The following GAS7 variants were observed in gnomAD, a reference collection of about 807,000 sequenced individuals.
GAS7 encodes growth arrest specific 7.
GAS7 carries 28 observed loss-of-function variants against 71.1 expected under a neutral mutation model. That is an observed-to-expected ratio of 0.39 (90% confidence interval 0.29 to 0.54). The LOEUF is 0.54. GAS7 is among the 20% of genes least tolerant of loss of function. The pLI is 0.62. For synonymous variants in GAS7, 258 were observed against 245.8 expected, an observed-to-expected ratio of 1.05 and a Z score of -0.46; for missense variants, 436 against 627.8, an observed-to-expected ratio of 0.69 and a Z score of 3.27.
intron 1 of GAS7, among the ~76,000 whole-genome samples, chr17:10,175,097 C>T (rs940487505): frequency 1.3e-5 from 2 of 151,960 alleles, no homozygotes; most frequent in Non-Finnish European, 2.9e-5. Flanking sequence ...GCTCCTGCCT[C>T]GGCCTCCCAA....
intron 1 of GAS7, among the ~76,000 whole-genome samples, chr17:10,029,496 T>G (rs2072557380): frequency 6.6e-6 from 1 of 152,182 alleles, no homozygotes; most frequent in African/African-American, 2.4e-5. Flanking sequence ...CATGTATACA[T>G]GTTGCTATTC....
At chr17:10,141,364 T>C (rs997058805) in intron 1 of GAS7, among the ~76,000 whole-genome samples, 1 of 151,656 alleles carries the variant, frequency 6.6e-6, no homozygotes, top group African/African-American at 2.4e-5. Flanking sequence ...AGGAGAATGG[T>C]GTGAACCCGG....
At chr17:9,917,473 G>A in intron 13 of GAS7, 132 bp from the exon 14 acceptor site, 1 of 659,642 alleles carries the variant, frequency 1.5e-6, no homozygotes, top group Non-Finnish European at 2.7e-6. Flanking sequence ...GGCCCCAGGG[G>A]GAGGCCCATC....
chr17:10,077,203 A>G (rs903326691), intron 1 of GAS7, among the ~76,000 whole-genome samples: 4 of 152,236 alleles, frequency 2.6e-5, no homozygotes, highest in African/African-American at 9.6e-5. Context: ...GTTGGAGGTG[A>G]TCTCTGGTTC....
intron 1 of GAS7, among the ~76,000 whole-genome samples, chr17:10,072,196 C>T (rs571589997): frequency 6.6e-6 from 1 of 152,086 alleles, no homozygotes; most frequent in Non-Finnish European, 1.5e-5. Flanking sequence ...AAGTCATTGG[C>T]CCTGAGGAAG....
chr17:9,957,499 C>A (rs940328514), intron 5 of GAS7, among the ~76,000 whole-genome samples: 4 of 152,228 alleles, frequency 2.6e-5, no homozygotes, highest in Admixed American at 1.3e-4. Context: ...AGGCAACCCT[C>A]CACGACATAA....
chr17:10,059,419 T>G (rs12602380), intron 1 of GAS7, among the ~76,000 whole-genome samples: 70,037 of 152,098 alleles, frequency 0.46, 17,899 homozygotes, highest in African/African-American at 0.7. Flanking sequence ...TCTCAGATAC[T>G]TCCCCTGCCC....
chr17:10,059,236 C>A (rs2073189488), intron 1 of GAS7, among the ~76,000 whole-genome samples: 1 of 152,180 alleles, frequency 6.6e-6, no homozygotes, highest in African/African-American at 2.4e-5. Context: ...TCCCAAGGGC[C>A]TTTTCAGGCT....
intron 1 of GAS7, among the ~76,000 whole-genome samples, chr17:10,047,829 A>G (rs1313235024): frequency 2.0e-5 from 3 of 152,230 alleles, no homozygotes; most frequent in Non-Finnish European, 4.4e-5. Flanking sequence ...CGGGGCTAAC[A>G]GGAAAAGTGT....
chr17:10,091,389 G>A (rs1395098188), intron 1 of GAS7, among the ~76,000 whole-genome samples: 1 of 151,842 alleles, frequency 6.6e-6, no homozygotes, highest in African/African-American at 2.4e-5. Flanking sequence ...GACTTTTTTG[G>A]GTTTTGTTTG....
chr17:10,183,289 T>C (rs2074429479), intron 1 of GAS7, among the ~76,000 whole-genome samples: 2 of 152,046 alleles, frequency 1.3e-5, no homozygotes. Context: ...TTGTGCCTCA[T>C]CGATAATGCT....
At chr17:10,146,935 C>G (rs1434057183) in intron 1 of GAS7, among the ~76,000 whole-genome samples, 1 of 144,646 alleles carries the variant, frequency 6.9e-6, no homozygotes, top group Non-Finnish European at 1.5e-5. Context: ...GAGCTGAGAT[C>G]GCGCCAGAGC....
intron 1 of GAS7, among the ~76,000 whole-genome samples, chr17:10,188,303 G>A (rs1194007761): frequency 2.0e-5 from 3 of 152,142 alleles, no homozygotes; most frequent in Non-Finnish European, 4.4e-5. Flanking sequence ...GTTCTGACCT[G>A]CTAAGCGCAG....
At chr17:10,166,875 C>T (rs1348927109) in intron 1 of GAS7, among the ~76,000 whole-genome samples, 2 of 152,056 alleles carry the variant, frequency 1.3e-5, no homozygotes, top group Non-Finnish European at 2.9e-5. Flanking sequence ...GGACAGCCCC[C>T]GCAGGCACAT....
At chr17:9,963,961 G>A (rs1257276131) in intron 4 of GAS7, among the ~76,000 whole-genome samples, 1 of 152,044 alleles carries the variant, frequency 6.6e-6, no homozygotes, top group East Asian at 1.9e-4. Context: ...TGGGGGAGGG[G>A]ATGGGAGCAC....
chr17:10,076,143 G>A (rs562114645), intron 1 of GAS7, among the ~76,000 whole-genome samples: 1 of 135,954 alleles, frequency 7.4e-6, no homozygotes, highest in East Asian at 2.2e-4. Flanking sequence ...AAAACGAAGG[G>A]GGGGAATGGG....
Position 10,198,487 on chromosome 17 carries a change from G to T in GAS7, c.-97C>A. On this transcript the variant is annotated 5_prime_UTR_variant, in exon 1 of 14. Coordinates refer to ENST00000432992, the MANE Select transcript of GAS7 (RefSeq NM_201433.2). Reference sequence around the variant, plus strand: ...GGGGTCCCAGGCGCCCGGCGCTCCGGGCTCCCGCGCTCTGGGCGCGCGCCG... The same window carrying T: ...GGGGTCCCAGGCGCCCGGCGCTCCGTGCTCCCGCGCTCTGGGCGCGCGCCG... The T allele has an allele frequency of 1.1e-6, 1 of 901,774 alleles. No individual in the cohort carries two copies. The highest frequency in any genetic ancestry group is 2.4e-5 in the South Asian group (1 of 42,012). The allele number at this position is 901,774 out of a possible 1,614,324, so 55.9% of individuals were successfully genotyped here. A position where few individuals can be genotyped will look rare whatever the true frequency, so the allele number is the denominator to read the frequency against.
intron 1 of GAS7, among the ~76,000 whole-genome samples, chr17:10,048,368 G>C (rs963722783): frequency 6.6e-5 from 10 of 152,056 alleles, no homozygotes; most frequent in East Asian, 3.8e-4. Flanking sequence ...AAAGAGAAAG[G>C]GTTACCCAGG....
At chr17:10,133,906 A>G (rs902141702) in intron 1 of GAS7, among the ~76,000 whole-genome samples, 2 of 152,184 alleles carry the variant, frequency 1.3e-5, no homozygotes, top group Admixed American at 6.5e-5. Context: ...ATAGTTTGCC[A>G]TTGTGTATAT....
Sources: gnomAD v4.1 joint callset for allele counts (sites outside exome capture counted in the v4.1 genomes callset) on GRCh38, gnomAD v4.1.1 for gene constraint, MANE v1.5 for transcripts, NCBI Gene and HGNC (gene_info 2026-07-23, HGNC 2026-07-21) for gene names.